SMAD9: variants seen among roughly 807,000 people sequenced by gnomAD.
SMAD9 encodes MAD homolog 9.
Under a neutral mutation model 46.1 loss-of-function variants are expected in SMAD9, and 36 were observed. The observed-to-expected ratio is 0.78, with a 90% CI of 0.60 to 1.03. The LOEUF is 1.03. Ranked by LOEUF, SMAD9 falls within the 50% of genes least tolerant of loss-of-function variation. The probability of loss-of-function intolerance (pLI) is 0.00; values close to 1 mark genes in which losing one functional copy is unlikely to be tolerated. For synonymous variants in SMAD9, 245 were observed against 237.1 expected (o/e 1.03, Z -0.31); for missense variants, 572 against 599.8 (o/e 0.95, Z 0.48).
intron 1 of SMAD9, among the ~76,000 whole-genome samples, chr13:36,884,547 C>T (rs2058429237): frequency 6.6e-6 from 1 of 152,216 alleles, no homozygotes; most frequent in Admixed American, 6.5e-5. Flanking sequence ...AACAAGCCCA[C>T]TTAAAAGAAA....
intron 1 of SMAD9, among the ~76,000 whole-genome samples, chr13:36,897,062 A>T (rs1399714365): frequency 3.3e-5 from 5 of 152,194 alleles, no homozygotes; most frequent in African/African-American, 4.8e-5. Context: ...TAAAACAAAA[A>T]CAAAAACAAA....
At chr13:36,912,090 C>T (rs1393826194) in intron 1 of SMAD9, among the ~76,000 whole-genome samples, 1 of 152,144 alleles carries the variant, frequency 6.6e-6, no homozygotes, top group African/African-American at 2.4e-5. Flanking sequence ...GGAGTTGTGG[C>T]CATTTAAAAG....
At chr13:36,890,723 G>C (rs772740805) in intron 1 of SMAD9, among the ~76,000 whole-genome samples, 14 of 152,028 alleles carry the variant, frequency 9.2e-5, no homozygotes, top group African/African-American at 3.4e-4. Flanking sequence ...TCTGATGCCT[G>C]CTTGGGAACC....
At chr13:36,905,605 G>GAAAAACAA (rs764682871) in intron 1 of SMAD9, among the ~76,000 whole-genome samples, 1 of 150,906 alleles carries the variant, frequency 6.6e-6, no homozygotes, top group Non-Finnish European at 1.5e-5. Flanking sequence ...AAACAAAAAC[G>GAAAAACAA]AAAAACAAAA....
Position 36,867,318 on chromosome 13 carries a change from C to G in SMAD9, c.736G>C (p.Asp246His). ...ASETQSGQPV[D>H]ATADRHVVLS... ...ACTACATGTCTATCAGCTGTGGCAT[C>G]TACAGGTTGGCCACTCTGGGTCTCA... The change falls in exon 4 of 7, where the codon GAT becomes CAT. Residue 246 changes from aspartate (D) to histidine (H), a missense_variant. Coordinates refer to ENST00000379826, the MANE Select transcript of SMAD9 (RefSeq NM_001127217.3). The G allele has an allele frequency of 6.4e-7, 1 of 1,551,456 alleles. No homozygotes were observed. The highest frequency in any genetic ancestry group is 8.7e-7 in the Non-Finnish European group (1 of 1,146,804).
intron 1 of SMAD9, among the ~76,000 whole-genome samples, chr13:36,899,563 G>T (rs1593613727): frequency 6.6e-6 from 1 of 152,272 alleles, no homozygotes; most frequent in East Asian, 1.9e-4. Context: ...ACTAAATGAA[G>T]TCGGGGGTAA....
intron 1 of SMAD9, among the ~76,000 whole-genome samples, chr13:36,914,434 G>T (rs2058683668): frequency 6.6e-6 from 1 of 152,120 alleles, no homozygotes; most frequent in African/African-American, 2.4e-5. Flanking sequence ...CGGGAGAATG[G>T]CATGAACCCG....
intron 1 of SMAD9, among the ~76,000 whole-genome samples, chr13:36,892,726 C>A (rs1291159787): frequency 6.6e-6 from 1 of 152,138 alleles, no homozygotes; most frequent in Non-Finnish European, 1.5e-5. Flanking sequence ...TAATCCAGCA[C>A]AAAGCCACAA....
At chr13:36,858,237 T>C (rs1437136331) in intron 5 of SMAD9, among the ~76,000 whole-genome samples, 1 of 151,536 alleles carries the variant, frequency 6.6e-6, no homozygotes, top group Non-Finnish European at 1.5e-5. Context: ...TAAAAATACA[T>C]TTTTCCAGAT....
At chr13:36,888,388 GT>G in intron 1 of SMAD9, among the ~76,000 whole-genome samples, 1 of 152,096 alleles carries the variant, frequency 6.6e-6, no homozygotes, top group Non-Finnish European at 1.5e-5. Flanking sequence ...TGCGATGATT[GT>G]AAATTTCCCT....
intron 2 of SMAD9, among the ~76,000 whole-genome samples, chr13:36,874,251 T>C (rs1441149828): frequency 6.6e-6 from 1 of 152,210 alleles, no homozygotes. Flanking sequence ...CAGAGCTCAA[T>C]TAATGAAGAA....
At chr13:36,912,747 T>G (rs79488631) in intron 1 of SMAD9, among the ~76,000 whole-genome samples, 7,844 of 152,274 alleles carry the variant, frequency 0.052, 500 homozygotes, top group African/African-American at 0.16. Context: ...AAGAATCTCT[T>G]CCTGTTTATG....
At chr13:36,852,293 A>G (rs2058081113) in intron 6 of SMAD9, 1 of 984,932 alleles carries the variant, frequency 1.0e-6, no homozygotes, top group Non-Finnish European at 1.2e-6. Context: ...GCCTGGAACA[A>G]GCCATGCTGA....
At position 36,848,760 on chromosome 13, in the gene SMAD9, A is replaced by C; in HGVS notation, c.1320T>G (p.Ile440Met). The C allele has an allele frequency of 6.2e-7, 1 of 1,614,062 alleles. No individual in the cohort carries two copies. Among genetic ancestry groups the C allele is most frequent in the Non-Finnish European group, 8.5e-7 (1 of 1,179,920 alleles). The change falls in exon 7 of 7, where the codon ATT (isoleucine) becomes ATG (methionine). Residue 440 changes from isoleucine to methionine, a missense_variant. Transcript: ENST00000379826. ...GCCACTGCAGTGGCCCATGAAGATG[A>C]ATCTCAATCCAGCAGGGGGTGCTGG... ...DVTSTPCWIE[I>M]HLHGPLQWLD... is the part of the protein sequence containing the mutation.
intron 4 of SMAD9, 46 bp from the exon 5 acceptor site, chr13:36,865,804 G>A (rs1286962225): frequency 2.0e-6 from 3 of 1,488,032 alleles, no homozygotes; most frequent in Admixed American, 3.5e-5. Context: ...GTCATACCTG[G>A]GCTGTGTAGT....
At chr13:36,919,763 G>A (rs2058727305) in intron 1 of SMAD9, among the ~76,000 whole-genome samples, 1 of 149,018 alleles carries the variant, frequency 6.7e-6, no homozygotes, top group African/African-American at 2.5e-5. Flanking sequence ...ATGCAGGCGC[G>A]AGGAAGGCGA....
At chr13:36,898,466 G>T (rs1436821371) in intron 1 of SMAD9, among the ~76,000 whole-genome samples, 1 of 151,736 alleles carries the variant, frequency 6.6e-6, no homozygotes, top group Non-Finnish European at 1.5e-5. Flanking sequence ...GAAAAAAAAA[G>T]AAAACACAAA....
chr13:36,915,037 G>A (rs998098868), intron 1 of SMAD9, among the ~76,000 whole-genome samples: 1 of 152,224 alleles, frequency 6.6e-6, no homozygotes, highest in Non-Finnish European at 1.5e-5. Flanking sequence ...AAAACAGGCT[G>A]TATGGAAGAA....
At chr13:36,870,508 A>G (rs2058280786) in intron 3 of SMAD9, among the ~76,000 whole-genome samples, 1 of 150,846 alleles carries the variant, frequency 6.6e-6, no homozygotes, top group Admixed American at 6.6e-5. Flanking sequence ...CCAACCCCAT[A>G]TCCCTGTTTT....
Sources: gnomAD v4.1 joint callset for allele counts (sites outside exome capture counted in the v4.1 genomes callset) on GRCh38, gnomAD v4.1.1 for gene constraint, MANE v1.5 for transcripts, NCBI Gene and HGNC (gene_info 2026-07-23, HGNC 2026-07-21) for gene names.